TENM3: variants seen among roughly 807,000 people sequenced by gnomAD.
TENM3 encodes the protein teneurin transmembrane protein 3.
Under a neutral mutation model 255.1 loss-of-function variants are expected in TENM3, and 63 were observed. That is an observed-to-expected ratio of 0.25 (90% CI 0.20 to 0.30). The LOEUF (loss-of-function observed/expected upper bound fraction) is 0.30, where lower values mean the gene tolerates loss of function less well. Ranked by LOEUF, TENM3 falls within the 10% of genes least tolerant of loss-of-function variation. TENM3 has a pLI of 1.00. For synonymous variants in TENM3, 1,306 were observed against 1,322.3 expected (o/e 0.99, Z 0.27); for missense variants, 2,929 against 3,461.1 (o/e 0.85, Z 3.86).
the TENM3 span, among the ~76,000 whole-genome samples, chr4:181,495,196 C>G: frequency 6.6e-6 from 1 of 152,142 alleles, no homozygotes; most frequent in Admixed American, 6.6e-5. Flanking sequence ...GAACCACTTT[C>G]CTTCAATGCA....
intron 3 of TENM3, among the ~76,000 whole-genome samples, chr4:182,446,808 A>C (rs559893931): frequency 6.6e-6 from 1 of 152,126 alleles, no homozygotes; most frequent in Admixed American, 6.5e-5. Flanking sequence ...AATTCTTCAA[A>C]GATTCCAATT....
At chr4:182,116,175 T>C in the TENM3 span, among the ~76,000 whole-genome samples, 1 of 152,092 alleles carries the variant, frequency 6.6e-6, no homozygotes, top group African/African-American at 2.4e-5. Flanking sequence ...CTAAAATTCC[T>C]CTGTGCTCAG....
chr4:182,630,571 G>A (rs114705840), intron 5 of TENM3, among the ~76,000 whole-genome samples: 2,164 of 152,188 alleles, frequency 0.014, 71 homozygotes, highest in African/African-American at 0.049. Context: ...GGGAGGGAGA[G>A]CATTAGGTAA....
chr4:182,549,510 T>C (rs1004187312), intron 3 of TENM3, among the ~76,000 whole-genome samples: 2 of 152,154 alleles, frequency 1.3e-5, no homozygotes, highest in Non-Finnish European at 2.9e-5. Flanking sequence ...ATTAGGAATG[T>C]GTGTTCTTGT....
intron 3 of TENM3, among the ~76,000 whole-genome samples, chr4:182,501,251 C>T (rs1736286982): frequency 6.6e-6 from 1 of 151,688 alleles, no homozygotes; most frequent in South Asian, 2.1e-4. Flanking sequence ...TTAGCACAGT[C>T]ATCCTGATAA....
chr4:182,053,452 C>A, the TENM3 span, among the ~76,000 whole-genome samples: 8 of 152,182 alleles, frequency 5.3e-5, no homozygotes, highest in Admixed American at 5.2e-4. Flanking sequence ...AGTGCCCTGG[C>A]CAGCTAATTG....
the TENM3 span, among the ~76,000 whole-genome samples, chr4:181,474,180 G>C: frequency 6.6e-6 from 1 of 151,958 alleles, no homozygotes; most frequent in African/African-American, 2.4e-5. Flanking sequence ...TGGGGAGTTA[G>C]GGGAGGGATA....
At chr4:181,906,943 A>G in the TENM3 span, among the ~76,000 whole-genome samples, 1 of 152,042 alleles carries the variant, frequency 6.6e-6, no homozygotes, top group Non-Finnish European at 1.5e-5. Context: ...CCCTGGCACA[A>G]TCTTGGCTCA....
intron 2 of TENM3, among the ~76,000 whole-genome samples, chr4:182,346,096 C>CATAG (rs1017328380): frequency 6.6e-6 from 1 of 151,968 alleles, no homozygotes; most frequent in African/African-American, 2.4e-5. Flanking sequence ...TACATACATA[C>CATAG]ATACATACAT....
At chr4:182,110,018 G>A in the TENM3 span, among the ~76,000 whole-genome samples, 1 of 151,626 alleles carries the variant, frequency 6.6e-6, no homozygotes, top group African/African-American at 2.4e-5. Flanking sequence ...GGAGGCTGAG[G>A]CAGTAGAATT....
At chr4:182,380,150 A>G (rs1174950582) in intron 3 of TENM3, among the ~76,000 whole-genome samples, 1 of 152,150 alleles carries the variant, frequency 6.6e-6, no homozygotes, top group Non-Finnish European at 1.5e-5. Context: ...AGGTGCCTGT[A>G]ATCCCGGCTA....
chr4:182,037,860 C>T, the TENM3 span, among the ~76,000 whole-genome samples: 16 of 151,936 alleles, frequency 1.1e-4, no homozygotes, highest in Non-Finnish European at 2.1e-4. Context: ...GAGACAGGGT[C>T]CCTCTTTGTC....
intron 3 of TENM3, among the ~76,000 whole-genome samples, chr4:182,555,624 A>T (rs140253419): frequency 4.5e-4 from 69 of 152,294 alleles, no homozygotes; most frequent in Admixed American, 1.2e-3. Flanking sequence ...CAGCCTTACA[A>T]ATAAATACCA....
At chr4:181,918,393 T>C in the TENM3 span, among the ~76,000 whole-genome samples, 2 of 152,164 alleles carry the variant, frequency 1.3e-5, no homozygotes, top group Non-Finnish European at 1.5e-5. Context: ...TAATTGCTCA[T>C]TACCTAAACA....
At chr4:181,924,402 T>G in the TENM3 span, among the ~76,000 whole-genome samples, 2 of 152,216 alleles carry the variant, frequency 1.3e-5, no homozygotes, top group Non-Finnish European at 2.9e-5. Context: ...GCTAGTTTAC[T>G]AGCTTGTATG....
At chr4:182,086,791 T>C in the TENM3 span, among the ~76,000 whole-genome samples, 1 of 152,332 alleles carries the variant, frequency 6.6e-6, no homozygotes, top group African/African-American at 2.4e-5. Flanking sequence ...AATGGGTCTC[T>C]AAATCACAGA....
At chr4:181,576,529 A>G in the TENM3 span, among the ~76,000 whole-genome samples, 1 of 152,128 alleles carries the variant, frequency 6.6e-6, no homozygotes, top group Admixed American at 6.5e-5. Flanking sequence ...GTACTAATTT[A>G]CATTCCACCA....
At chr4:182,254,048 A>C (rs1758212337) in intron 1 of TENM3, among the ~76,000 whole-genome samples, 1 of 152,090 alleles carries the variant, frequency 6.6e-6, no homozygotes, top group Admixed American at 6.5e-5. Context: ...TTTTTCCTAC[A>C]GAAAAGGATG....
At chr4:182,089,392 G>C in the TENM3 span, among the ~76,000 whole-genome samples, 2 of 152,172 alleles carry the variant, frequency 1.3e-5, no homozygotes, top group African/African-American at 4.8e-5. Context: ...GTAAGAGAAA[G>C]AGACTTTCTT....
Sources: gnomAD v4.1 joint callset for allele counts (sites outside exome capture counted in the v4.1 genomes callset) on GRCh38, gnomAD v4.1.1 for gene constraint, MANE v1.5 for transcripts, NCBI Gene and HGNC (gene_info 2026-07-23, HGNC 2026-07-21) for gene names.